The following TIMP2 variants were observed in gnomAD, a reference collection of about 807,000 sequenced individuals.
The protein encoded by TIMP2 is metalloproteinase inhibitor 2.
In TIMP2, 5 loss-of-function variants were observed where a neutral mutation model predicts 24.3. The observed-to-expected ratio is 0.21, with a 90% CI of 0.11 to 0.43. The LOEUF (loss-of-function observed/expected upper bound fraction) is 0.43, where lower values mean the gene tolerates loss of function less well. Among genes scored for constraint, TIMP2 ranks in the 20% least tolerant of loss-of-function variants. The pLI is 1.00. For synonymous variants in TIMP2, 130 were observed against 123.2 expected, an observed-to-expected ratio of 1.06 and a Z score of -0.37; for missense variants, 221 against 297.5, an observed-to-expected ratio of 0.74 and a Z score of 1.89.
chr17:78,857,354 C>T (rs1169540572), intron 4 of TIMP2, 168 bp downstream of exon 4: 4 of 899,318 alleles, frequency 4.4e-6, no homozygotes, highest in African/African-American at 3.4e-5. Context: ...AGGCTCTGTC[C>T]CCAGCCAGAC....
At chr17:78,888,834 C>T (rs1424538750) in intron 1 of TIMP2, among the ~76,000 whole-genome samples, 1 of 152,108 alleles carries the variant, frequency 6.6e-6, no homozygotes, top group Non-Finnish European at 1.5e-5. Flanking sequence ...GGGTGATGGG[C>T]TCATGGTACT....
intron 1 of TIMP2, among the ~76,000 whole-genome samples, chr17:78,913,511 G>A (rs575077240): frequency 6.6e-6 from 1 of 152,268 alleles, no homozygotes; most frequent in Admixed American, 6.5e-5. Flanking sequence ...AGGCGTTCAA[G>A]ACCAGACTGG....
chr17:78,883,497 G>A (rs2069796716), intron 1 of TIMP2, among the ~76,000 whole-genome samples: 1 of 152,174 alleles, frequency 6.6e-6, no homozygotes, highest in Non-Finnish European at 1.5e-5. Context: ...TGCGGAGGAG[G>A]GTGGGGCAGA....
chr17:78,866,492 A>G (rs951482218), intron 3 of TIMP2, among the ~76,000 whole-genome samples: 9 of 151,034 alleles, frequency 6.0e-5, no homozygotes, highest in Non-Finnish European at 1.2e-4. Flanking sequence ...GGTTAAACCT[A>G]AAGTCACCCA....
intron 1 of TIMP2, chr17:78,899,874 C>T (rs1476102326): frequency 6.6e-6 from 1 of 152,246 alleles, no homozygotes; most frequent in African/African-American, 2.4e-5. Flanking sequence ...ACCCGGGCCA[C>T]ATAGTCAAGC....
chr17:78,907,271 G>A (rs1351989496), intron 1 of TIMP2, among the ~76,000 whole-genome samples: 2 of 151,146 alleles, frequency 1.3e-5, no homozygotes, highest in Non-Finnish European at 3.0e-5. Flanking sequence ...CTGGCCTCAA[G>A]GTGATCCTCC....
Position 78,891,869 on chromosome 17 carries a change from C to T in TIMP2, c.131-17950G>A, listed in dbSNP as rs1193734549. Reference sequence around the variant, plus strand: ...AGGCGGGGCCAGGTGAGAATTCATCCGACCCGTGGCTTTTGTAGTCTGTGG... The same window carrying T: ...AGGCGGGGCCAGGTGAGAATTCATCTGACCCGTGGCTTTTGTAGTCTGTGG... On this transcript the variant is annotated intron_variant, in intron 1 of 4. Coordinates refer to ENST00000262768, the MANE Select transcript of TIMP2 (RefSeq NM_003255.5). The surrounding 1 kb of genome is among the most constrained non-coding windows in gnomAD (Gnocchi z 4.5). 21 of 1,550,534 alleles carry T rather than the reference C, an allele frequency of 1.4e-5. No individual in the cohort carries two copies. The highest frequency in any genetic ancestry group is 1.2e-4 in the East Asian group (5 of 40,936).
At chr17:78,878,218 A>T (rs1308171656) in intron 1 of TIMP2, among the ~76,000 whole-genome samples, 1 of 152,172 alleles carries the variant, frequency 6.6e-6, no homozygotes, top group East Asian at 1.9e-4. Context: ...TATTTGAAGG[A>T]GGCAGCAAGA....
chr17:78,885,009 G>A (rs1283111944), intron 1 of TIMP2, among the ~76,000 whole-genome samples: 1 of 152,194 alleles, frequency 6.6e-6, no homozygotes, highest in African/African-American at 2.4e-5. Context: ...CAGGCCAGGA[G>A]GTGAACAGGT....
In TIMP2 at chr17:78,892,760, G is replaced by A. The variant is rs375183654; in HGVS notation, c.131-18841C>T. ...CACAAATGCAGGGAGGAGGTGCTCC[G>A]GGCCTGCAGCTGGGTGGAGGCGAGG... is the stretch of plus-strand genomic sequence containing the variant. On this transcript the variant is annotated intron_variant, in intron 1 of 4. Coordinates refer to ENST00000262768, the MANE Select transcript of TIMP2 (RefSeq NM_003255.5). 5.9e-5 allele frequency among the ~76,000 whole-genome samples: 9 copies of A among 152,180 alleles called. 1 individual carries two copies. The South Asian group carries it at 1.2e-3, about 21-fold the overall frequency.
chr17:78,889,405 C>T (rs1016878254), intron 1 of TIMP2, among the ~76,000 whole-genome samples: 2 of 152,234 alleles, frequency 1.3e-5, no homozygotes, highest in African/African-American at 2.4e-5. Context: ...TTCTCTTTTC[C>T]GTCTACTCTC....
At chr17:78,888,886 G>A (rs987546539) in intron 1 of TIMP2, among the ~76,000 whole-genome samples, 6 of 152,196 alleles carry the variant, frequency 3.9e-5, no homozygotes, top group East Asian at 1.9e-4. Flanking sequence ...AAGGCCATTC[G>A]TGGACCAATG....
intron 1 of TIMP2, among the ~76,000 whole-genome samples, chr17:78,907,582 A>G (rs967103346): frequency 2.6e-5 from 4 of 152,242 alleles, no homozygotes; most frequent in Non-Finnish European, 5.9e-5. Flanking sequence ...TATGATAATA[A>G]TGAAAAAGTT....
chr17:78,914,948 A>G (rs910388753), intron 1 of TIMP2, among the ~76,000 whole-genome samples: 37 of 145,150 alleles, frequency 2.5e-4, no homozygotes, highest in African/African-American at 9.1e-4. Context: ...CCAGGCTGGC[A>G]TGCAGTGGCA....
At chr17:78,878,162 TTC>T (rs2069745255) in intron 1 of TIMP2, among the ~76,000 whole-genome samples, 1 of 152,192 alleles carries the variant, frequency 6.6e-6, no homozygotes, top group African/African-American at 2.4e-5. Context: ...TCACATGCTG[TTC>T]TCTTACAAAA....
chr17:78,886,866 A>G (rs1055148618), intron 1 of TIMP2, among the ~76,000 whole-genome samples: 1 of 152,040 alleles, frequency 6.6e-6, no homozygotes, highest in Non-Finnish European at 1.5e-5. Context: ...CTGGAACTAT[A>G]GGTGCACGCC....
chr17:78,896,986 C>T lies in TIMP2; in HGVS notation c.131-23067G>A. ...CTACAGCTTGAGAATGACGTCCAAG[C>T]AGCTCGCCTTTCCCTGGGCGGCCGC... On this transcript the variant is annotated intron_variant, in intron 1 of 4. Transcript: ENST00000262768. The surrounding 1 kb of genome is among the most constrained non-coding windows in gnomAD (Gnocchi z 4.4). 1 of 985,402 alleles carries T rather than the reference C, an allele frequency of 1.0e-6. No individual in the cohort carries two copies. Among genetic ancestry groups the T allele is most frequent in the Non-Finnish European group, 1.2e-6 (1 of 829,920 alleles). The allele number at this position is 985,402 out of a possible 1,614,324, so 61.0% of individuals were successfully genotyped here.
At chr17:78,912,145 G>C (rs2070214566) in intron 1 of TIMP2, among the ~76,000 whole-genome samples, 1 of 152,168 alleles carries the variant, frequency 6.6e-6, no homozygotes, top group Non-Finnish European at 1.5e-5. Flanking sequence ...AAGGCTCAGA[G>C]AGGCACACAG....
At chr17:78,923,196 C>T (rs532714653) in intron 1 of TIMP2, among the ~76,000 whole-genome samples, 7 of 152,130 alleles carry the variant, frequency 4.6e-5, no homozygotes, top group African/African-American at 1.7e-4. Flanking sequence ...CCAGGCAACC[C>T]AGAAGAGGAG....
Sources: gnomAD v4.1 joint callset for allele counts (sites outside exome capture counted in the v4.1 genomes callset) on GRCh38, gnomAD v4.1.1 for gene constraint, Gnocchi (gnomAD v3.1) non-coding constraint, MANE v1.5 for transcripts, NCBI Gene and HGNC (gene_info 2026-07-23, HGNC 2026-07-21) for gene names.